Variants in EML4 observed in about 807,000 individuals in gnomAD.
EML4 encodes the protein echinoderm microtubule-associated protein-like 4.
EML4 carries 72 observed loss-of-function variants against 129.0 expected under a neutral mutation model. The ratio of observed to expected loss-of-function variants is 0.56; its 90% CI spans 0.46 to 0.68. The LOEUF (loss-of-function observed/expected upper bound fraction) is 0.68. Ranked by LOEUF, EML4 falls within the 30% of genes least tolerant of loss-of-function variation. EML4 has a pLI of 0.00. For synonymous variants in EML4, 532 were observed against 405.0 expected (o/e 1.31, Z -3.77); for missense variants, 1,363 against 1,190.6 (o/e 1.14, Z -2.13).
At chr2:42,232,596 A>G (rs62142560) in intron 1 of EML4, among the ~76,000 whole-genome samples, 2,334 of 152,340 alleles carry the variant, frequency 0.015, 26 homozygotes, top group Non-Finnish European at 0.025. Flanking sequence ...TTAATCTTTC[A>G]AGTAACTCCT....
chr2:42,226,005 C>T (rs1673935182), intron 1 of EML4, among the ~76,000 whole-genome samples: 1 of 151,630 alleles, frequency 6.6e-6, no homozygotes, highest in Non-Finnish European at 1.5e-5. Context: ...ATAATGCTAC[C>T]CAAATTAAAT....
intron 1 of EML4, among the ~76,000 whole-genome samples, chr2:42,227,350 T>G (rs987426017): frequency 3.3e-5 from 5 of 152,018 alleles, no homozygotes; most frequent in Non-Finnish European, 4.4e-5. Flanking sequence ...CAAGCAATGC[T>G]CCCACCTCAG....
chr2:42,280,641 A>T (rs562514419), intron 6 of EML4, among the ~76,000 whole-genome samples: 1 of 152,234 alleles, frequency 6.6e-6, no homozygotes, highest in African/African-American at 2.4e-5. Context: ...TTGAGCATCC[A>T]TGGATTTGGG....
chr2:42,250,185 T>G (rs1675670801), intron 2 of EML4, among the ~76,000 whole-genome samples: 1 of 152,216 alleles, frequency 6.6e-6, no homozygotes, highest in Admixed American at 6.5e-5. Context: ...ACCAGGAAAC[T>G]GCTGGTTAAG....
intron 1 of EML4, among the ~76,000 whole-genome samples, chr2:42,235,846 C>A (rs1003458400): frequency 1.3e-5 from 2 of 152,052 alleles, no homozygotes; most frequent in African/African-American, 4.8e-5. Context: ...AGAAATACAA[C>A]TTCATTTTTG....
chr2:42,218,922 G>A (rs191834622), intron 1 of EML4, among the ~76,000 whole-genome samples: 48 of 152,158 alleles, frequency 3.2e-4, no homozygotes, highest in African/African-American at 1.1e-3. Flanking sequence ...TCTCAGCCTC[G>A]CAAGCAGCTA....
chr2:42,218,383 A>T (rs977330611), intron 1 of EML4, among the ~76,000 whole-genome samples: 2 of 152,008 alleles, frequency 1.3e-5, no homozygotes, highest in Admixed American at 6.6e-5. Flanking sequence ...ATATATTACA[A>T]TGTAATAATA....
rs758367116 is a variant in EML4 at position 42,264,746 on chromosome 2, C to A, written c.667+15C>A. ...CATCAACCAAGGTAAATTAAAAATCCTTTTAAAAATTTTATTTTGCCCTTC... is the reference window on the plus strand; with the variant it reads ...CATCAACCAAGGTAAATTAAAAATCATTTTAAAAATTTTATTTTGCCCTTC... On this transcript the variant is annotated intron_variant, in intron 6 of 22. Coordinates refer to ENST00000318522, the MANE Select transcript of EML4 (RefSeq NM_019063.5). 2 of 1,463,488 alleles carry A rather than the reference C, an allele frequency of 1.4e-6. No individual in the cohort carries two copies. Among genetic ancestry groups the A allele is most frequent in the South Asian group, 1.2e-5 (1 of 82,820 alleles). 90.7% of individuals were successfully genotyped at this position (1,463,488 alleles called of 1,614,324 possible). A position where few individuals can be genotyped will look rare whatever the true frequency, so the allele number is the denominator to read the frequency against.
chr2:42,326,101 A>C, intron 20 of EML4, 53 bp from the exon 21 acceptor site: 2 of 1,597,440 alleles, frequency 1.3e-6, no homozygotes, highest in Admixed American at 1.8e-5. Flanking sequence ...TGCACTTTCA[A>C]ATACATTTGT....
At chr2:42,329,422 G>A (rs1368884430) in intron 22 of EML4, among the ~76,000 whole-genome samples, 1 of 152,154 alleles carries the variant, frequency 6.6e-6, no homozygotes, top group Non-Finnish European at 1.5e-5. Context: ...AACCATTTCA[G>A]AAGAATAATT....
chr2:42,281,261 T>C (rs1474481207), intron 7 of EML4, among the ~76,000 whole-genome samples: 4 of 151,980 alleles, frequency 2.6e-5, no homozygotes, highest in African/African-American at 9.7e-5. Context: ...GGTGTGGTGG[T>C]GCATGCCTGT....
intron 2 of EML4, among the ~76,000 whole-genome samples, chr2:42,253,186 G>T (rs904351147): frequency 2.0e-5 from 3 of 152,120 alleles, no homozygotes; most frequent in Admixed American, 1.3e-4. Context: ...GTGTAAGATT[G>T]GGAGTTTCAA....
At chr2:42,299,887 T>C (rs944205334) in intron 13 of EML4, among the ~76,000 whole-genome samples, 5 of 152,198 alleles carry the variant, frequency 3.3e-5, no homozygotes, top group Admixed American at 6.5e-5. Flanking sequence ...GGTTTTGCCA[T>C]GTTGGCCAGG....
In EML4 at chr2:42,169,450, T is replaced by TACTACCCC; in HGVS notation, c.-160_-153dup. On this transcript the variant is annotated 5_prime_UTR_variant, in exon 1 of 23. Transcript: ENST00000318522. ...GGAAGTGGTTCGGGCGGCCGCGGCT[T>TACTACCCC]ACTACCCCAGGGCGAACGGACGGAC... The TACTACCCC allele has an allele frequency of 1.4e-6, 1 of 709,094 alleles. No individual in the cohort carries two copies. The highest frequency in any genetic ancestry group is 2.2e-6 in the Non-Finnish European group (1 of 461,962). The allele number at this position is 709,094 out of a possible 1,614,324, so 43.9% of individuals were successfully genotyped here.
At chr2:42,274,793 A>C (rs955849017) in intron 6 of EML4, among the ~76,000 whole-genome samples, 7 of 152,196 alleles carry the variant, frequency 4.6e-5, no homozygotes, top group African/African-American at 1.7e-4. Context: ...AGGGAGATAC[A>C]AAAGTAGAAG....
chr2:42,310,281 C>G (rs1668859942), intron 17 of EML4, among the ~76,000 whole-genome samples: 1 of 151,778 alleles, frequency 6.6e-6, no homozygotes, highest in Non-Finnish European at 1.5e-5. Context: ...TCTCCCCTTC[C>G]CCTTTCCCTT....
At chr2:42,265,674 A>AAAGCC (rs1405295802) in intron 6 of EML4, among the ~76,000 whole-genome samples, 2 of 97,132 alleles carry the variant, frequency 2.1e-5, no homozygotes, top group African/African-American at 8.9e-5. Flanking sequence ...TTTACCTAGA[A>AAAGCC]ATAAACGATT....
intron 6 of EML4, among the ~76,000 whole-genome samples, chr2:42,276,131 C>A (rs1193862002): frequency 6.6e-6 from 1 of 152,050 alleles, no homozygotes; most frequent in Non-Finnish European, 1.5e-5. Context: ...TTACCTAATA[C>A]CCAAGGTAAA....
intron 1 of EML4, among the ~76,000 whole-genome samples, chr2:42,181,541 C>A (rs2719127): frequency 0.26 from 39,152 of 152,060 alleles, 6,069 homozygotes; most frequent in East Asian, 0.56. Context: ...CTCAAATGAC[C>A]TACCTCAGCC....
Sources: gnomAD v4.1 joint callset for allele counts (sites outside exome capture counted in the v4.1 genomes callset) on GRCh38, gnomAD v4.1.1 for gene constraint, MANE v1.5 for transcripts, NCBI Gene and HGNC (gene_info 2026-07-23, HGNC 2026-07-21) for gene names.